DRC8: variants seen among roughly 807,000 people sequenced by gnomAD.
DRC8 encodes the protein dynein regulatory complex protein 8.
chr1:245,048,615 A>G, the DRC8 span, among the ~76,000 whole-genome samples: 1 of 151,990 alleles, frequency 6.6e-6, no homozygotes, highest in African/African-American at 2.4e-5. Flanking sequence ...AGATTCGCCA[A>G]TCCCTCATGA....
At chr1:245,049,139 T>G in the DRC8 span, among the ~76,000 whole-genome samples, 594 of 152,210 alleles carry the variant, frequency 3.9e-3, 6 homozygotes, top group Non-Finnish European at 4.2e-3. This position sits in a 1 kb window ranked among gnomAD's most constrained non-coding sequence, Gnocchi z 4.5. Context: ...TGTGTACCAC[T>G]ACAGCTGGCT....
the DRC8 span, among the ~76,000 whole-genome samples, chr1:245,120,901 C>CGTTT: frequency 6.6e-6 from 1 of 152,234 alleles, no homozygotes; most frequent in Non-Finnish European, 1.5e-5. Flanking sequence ...GCTAAAGCCT[C>CGTTT]AAACAATATG....
the DRC8 span, among the ~76,000 whole-genome samples, chr1:245,120,911 G>A: frequency 6.6e-6 from 1 of 152,256 alleles, no homozygotes; most frequent in Non-Finnish European, 1.5e-5. Flanking sequence ...CAAACAATAT[G>A]ACACCTGGCC....
At chr1:245,107,028 G>C in the DRC8 span, among the ~76,000 whole-genome samples, 2 of 152,176 alleles carry the variant, frequency 1.3e-5, no homozygotes, top group Non-Finnish European at 1.5e-5. Flanking sequence ...TGGGTGACAA[G>C]AGTGAAACTC....
At chr1:245,048,398 T>G in the DRC8 span, among the ~76,000 whole-genome samples, 2 of 152,212 alleles carry the variant, frequency 1.3e-5, no homozygotes, top group African/African-American at 4.8e-5. Context: ...GTGATACAGA[T>G]AGTATAACAC....
At chr1:245,059,381 TCCAGAG>T in the DRC8 span, 2 of 1,604,922 alleles carry the variant, frequency 1.2e-6, no homozygotes, top group Admixed American at 1.7e-5. Context: ...CTTTTTTTTT[TCCAGAG>T]AGATTGGAAC....
At chr1:244,988,943 G>A in the DRC8 span, among the ~76,000 whole-genome samples, 1 of 152,184 alleles carries the variant, frequency 6.6e-6, no homozygotes, top group Non-Finnish European at 1.5e-5. Context: ...AGCTATGTAC[G>A]TATGAATATG....
the DRC8 span, among the ~76,000 whole-genome samples, chr1:245,107,695 C>G: frequency 3.3e-5 from 5 of 152,184 alleles, no homozygotes; most frequent in African/African-American, 1.2e-4. Flanking sequence ...CAGTCCTGCT[C>G]GGTTTCCAGG....
At chr1:245,104,589 T>A in the DRC8 span, among the ~76,000 whole-genome samples, 68 of 152,038 alleles carry the variant, frequency 4.5e-4, no homozygotes, top group Admixed American at 7.9e-4. Flanking sequence ...ATATGGCCAA[T>A]CTTGCTTCAC....
chr1:245,122,650 A>G, the DRC8 span: 1 of 151,954 alleles, frequency 6.6e-6, no homozygotes, highest in Non-Finnish European at 1.5e-5. Flanking sequence ...TTTTGTAGAG[A>G]CAGGGTCTGG....
the DRC8 span, among the ~76,000 whole-genome samples, chr1:245,078,992 G>T: frequency 6.6e-6 from 1 of 152,136 alleles, no homozygotes; most frequent in Admixed American, 6.5e-5. Context: ...GAAACTGAGT[G>T]AGAGAGGTAT....
chr1:245,036,661 A>G, the DRC8 span, among the ~76,000 whole-genome samples: 1 of 152,230 alleles, frequency 6.6e-6, no homozygotes, highest in Middle Eastern at 3.2e-3. Flanking sequence ...TTCAGCTATA[A>G]AAGGAATGAA....
At chr1:245,051,692 C>T in the DRC8 span, among the ~76,000 whole-genome samples, 365 of 152,030 alleles carry the variant, frequency 2.4e-3, 3 homozygotes, top group African/African-American at 6.6e-3. Flanking sequence ...AATAGAGTGG[C>T]GAAGCACCTA....
the DRC8 span, among the ~76,000 whole-genome samples, chr1:245,098,194 C>T: frequency 6.6e-6 from 1 of 152,228 alleles, no homozygotes; most frequent in South Asian, 2.1e-4. Flanking sequence ...GTCTCAGCAA[C>T]GACATACTAT....
chr1:244,983,072 G>A, the DRC8 span, among the ~76,000 whole-genome samples: 2 of 151,914 alleles, frequency 1.3e-5, no homozygotes, highest in Non-Finnish European at 2.9e-5. Flanking sequence ...GAAAAAAAAA[G>A]AAGAAAATCA....
the DRC8 span, among the ~76,000 whole-genome samples, chr1:244,999,126 G>A: frequency 7.0e-6 from 1 of 143,174 alleles, no homozygotes; most frequent in African/African-American, 2.6e-5. Flanking sequence ...AGAAGGAGGA[G>A]AAAAAGGAGG....
chr1:244,999,863 G>A, the DRC8 span, among the ~76,000 whole-genome samples: 1 of 152,176 alleles, frequency 6.6e-6, no homozygotes, highest in Non-Finnish European at 1.5e-5. Context: ...CCAGGCTGGA[G>A]TGCAGTGGTG....
chr1:245,088,500 A>G, the DRC8 span, among the ~76,000 whole-genome samples: 2 of 152,190 alleles, frequency 1.3e-5, no homozygotes, highest in African/African-American at 2.4e-5. This position sits in a 1 kb window ranked among gnomAD's most constrained non-coding sequence, Gnocchi z 4.6. Context: ...TCATTCATTC[A>G]TGAAACACTG....
At chr1:245,116,283 GA>G in the DRC8 span, among the ~76,000 whole-genome samples, 1 of 152,146 alleles carries the variant, frequency 6.6e-6, no homozygotes, top group Admixed American at 6.5e-5. Flanking sequence ...AGGCGGAAGT[GA>G]AGGCTGCTTG....
Sources: gnomAD v4.1 joint callset for allele counts (sites outside exome capture counted in the v4.1 genomes callset) on GRCh38, gnomAD v4.1.1 for gene constraint, Gnocchi (gnomAD v3.1) non-coding constraint, MANE v1.5 for transcripts, NCBI Gene and HGNC (gene_info 2026-07-23, HGNC 2026-07-21) for gene names.